CSPG4: variants seen among roughly 807,000 people sequenced by gnomAD.
CSPG4 encodes chondroitin sulfate proteoglycan 4 (melanoma-associated).
A neutral mutation model predicts 139.3 loss-of-function variants in CSPG4; 74 were observed. The observed-to-expected ratio is 0.53, with a 90% CI of 0.44 to 0.64. CSPG4 has a LOEUF of 0.64. Ranked by LOEUF, CSPG4 falls within the 30% of genes least tolerant of loss-of-function variation. The pLI is 0.00. For synonymous variants in CSPG4, 1,234 were observed against 1,394.2 expected (o/e 0.89, Z 2.56); for missense variants, 2,565 against 3,148.3 (o/e 0.81, Z 4.43).
rs2141419283 is a variant in CSPG4 at position 75,675,634 on chromosome 15, A to AG, written c.6884dup (p.Pro2296SerfsTer6). ...GCTCTGGGTCAGGCTGGCCTCCTGG[A>AG]GGGGGCCCCTGGCCAGGCACAGCTG... is the stretch of plus-strand genomic sequence containing the variant. On this transcript the variant is annotated frameshift_variant, in exon 10 of 10. Transcript: ENST00000308508. LOFTEE classifies it high-confidence loss of function. 4.6e-6 allele frequency: 7 copies of AG among 1,520,076 alleles called. No individual in the cohort carries two copies. The South Asian group carries it at 6.6e-5, about 14-fold the overall frequency. 94.2% of individuals were successfully genotyped at this position (1,520,076 alleles called of 1,614,324 possible).
intron 1 of CSPG4, among the ~76,000 whole-genome samples, chr15:75,700,475 C>A (rs181733817): frequency 2.1e-4 from 32 of 152,242 alleles, no homozygotes; most frequent in African/African-American, 6.7e-4. Flanking sequence ...CTGGCCGAAT[C>A]GGGAGGGCCC....
rs1286458765 is a variant in CSPG4, at chr15:75,675,076, A to T, written c.*474T>A. On this transcript the variant is annotated 3_prime_UTR_variant, in exon 10 of 10. Coordinates refer to ENST00000308508, the MANE Select transcript of CSPG4 (RefSeq NM_001897.5). Reference sequence around the variant, plus strand: ...AACCAGGGGAGGAAGTTTTTTTCTCAACTCTGGGGCAGAGACAAAGGGTGG... The same window carrying T: ...AACCAGGGGAGGAAGTTTTTTTCTCTACTCTGGGGCAGAGACAAAGGGTGG... 5.5e-6 allele frequency: 2 copies of T among 363,196 alleles called. No homozygotes were observed. The highest frequency in any genetic ancestry group is 9.8e-6 in the Non-Finnish European group (2 of 204,168). 22.5% of individuals were successfully genotyped at this position (363,196 alleles called of 1,614,324 possible).
At chr15:75,700,676 C>G (rs1894290543) in intron 1 of CSPG4, among the ~76,000 whole-genome samples, 1 of 152,144 alleles carries the variant, frequency 6.6e-6, no homozygotes, top group Admixed American at 6.5e-5. Context: ...TGGCTCATCT[C>G]TGAGTTCCCC....
At chr15:75,677,413 C>A (rs1257040115) in intron 9 of CSPG4, 29 bp from the exon 10 acceptor site, 1 of 1,408,490 alleles carries the variant, frequency 7.1e-7, no homozygotes, top group Non-Finnish European at 9.3e-7. Context: ...CTATGAGGGT[C>A]CAGCCCACTG....
In CSPG4 at chr15:75,692,503, C is replaced by T. The variant is rs563892473; in HGVS notation, c.252+567G>A. Among the ~76,000 whole-genome samples, 3 of 152,358 alleles carry T rather than the reference C, an allele frequency of 2.0e-5. No individual in the cohort carries two copies. In the South Asian group the frequency reaches 6.2e-4, roughly 32 times the overall value. ...CTCAAAAAAGCCACAAGACTCCTTG[C>T]TAACAAAGCTTGTGGTGTCTTGAAG... On this transcript the variant is annotated intron_variant, in intron 2 of 9. Transcript: ENST00000308508.
chr15:75,678,690 C>T (rs1381479428), intron 8 of CSPG4: 2 of 456,126 alleles, frequency 4.4e-6, no homozygotes, highest in Non-Finnish European at 8.8e-6. Flanking sequence ...TTTCCACCAG[C>T]TTCACCCCTG....
At chr15:75,704,501 C>G (rs2141439386) in intron 1 of CSPG4, among the ~76,000 whole-genome samples, 1 of 152,290 alleles carries the variant, frequency 6.6e-6, no homozygotes, top group East Asian at 1.9e-4. Flanking sequence ...GGGGCAGCCA[C>G]CTGGATTCCA....
chr15:75,674,914 T>C lies in CSPG4; in HGVS notation c.*636A>G. 2.5e-6 allele frequency: 1 copy of C among 398,210 alleles called. No individual in the cohort carries two copies. The highest frequency in any genetic ancestry group is 4.4e-6 in the Non-Finnish European group (1 of 225,972). 24.7% of individuals were successfully genotyped at this position (398,210 alleles called of 1,614,324 possible). On this transcript the variant is annotated 3_prime_UTR_variant, in exon 10 of 10. Coordinates refer to ENST00000308508, the MANE Select transcript of CSPG4 (RefSeq NM_001897.5). ...CATGTTAAATAGCTTCCTTGCAATC[T>C]CCCTTAAATAAACCCATCCCCAGAG...
At chr15:75,704,536 G>A (rs1894344866) in intron 1 of CSPG4, among the ~76,000 whole-genome samples, 1 of 152,220 alleles carries the variant, frequency 6.6e-6, no homozygotes, top group Admixed American at 6.5e-5. Flanking sequence ...TGGGGGGCCT[G>A]GCCGGGCCCT....
At chr15:75,683,423 G>A (rs1304342412) in intron 5 of CSPG4, among the ~76,000 whole-genome samples, 2 of 152,172 alleles carry the variant, frequency 1.3e-5, no homozygotes, top group Non-Finnish European at 2.9e-5. Flanking sequence ...GGTGGGACAG[G>A]GGTCTCCTTT....
chr15:75,679,492 C>T (rs1893942261), intron 8 of CSPG4: 1 of 152,258 alleles, frequency 6.6e-6, no homozygotes, highest in South Asian at 2.1e-4. Context: ...CCCCATCTGA[C>T]CACTAAGGCC....
intron 4 of CSPG4, 117 bp downstream of exon 4, chr15:75,685,102 A>G: frequency 1.4e-6 from 2 of 1,397,302 alleles, no homozygotes; most frequent in Non-Finnish European, 1.9e-6. Context: ...GGTGCTTCTG[A>G]AATGTGACTC....
In CSPG4 at chr15:75,685,683, G is replaced by T. The variant is rs1435500240; in HGVS notation, c.3808C>A (p.Pro1270Thr). 1.6e-5 allele frequency: 26 copies of T among 1,598,034 alleles called. No individual in the cohort carries two copies. Among genetic ancestry groups the T allele is most frequent in the African/African-American group, 2.7e-5 (2 of 74,848 alleles). The change falls in exon 4 of 10, where the codon CCA becomes ACA. Residue 1270 changes from proline to threonine, a missense_variant. This residue lies in a region of CSPG4 where 2,316 missense variants were observed against 2,818.2 expected (regional missense o/e 0.82). Transcript: ENST00000308508. ...ACTGAGAATACGATGTCTGCAGGTG[G>T]CACTGCCTCCTGGGCTGCCTGGTTA... is the stretch of plus-strand genomic sequence containing the variant. ...DQLEAAQEAV[P>T]PADIVFSVKS...
chr15:75,700,657 G>C (rs2141437023), intron 1 of CSPG4, among the ~76,000 whole-genome samples: 1 of 152,286 alleles, frequency 6.6e-6, no homozygotes, highest in East Asian at 1.9e-4. Flanking sequence ...TCCAGGACCA[G>C]GCAGCCCATG....
At chr15:75,677,977 G>A in intron 8 of CSPG4, 91 bp from the exon 9 acceptor site, 1 of 1,258,570 alleles carries the variant, frequency 7.9e-7, no homozygotes, top group Non-Finnish European at 1.1e-6. Flanking sequence ...CCCACTCTGG[G>A]CTCTCCTGGG....
In CSPG4 at chr15:75,696,229, T is replaced by C. The variant is rs1199046390; in HGVS notation, c.89-2996A>G. ...GGGATTAGTCCTGGGGGTCTCTCCC[T>C]GATCTAGGAGTTTGCTGTCCATATG... On this transcript the variant is annotated intron_variant, in intron 1 of 9. Coordinates refer to ENST00000308508, the MANE Select transcript of CSPG4 (RefSeq NM_001897.5). This position sits in a 1 kb window ranked among gnomAD's most constrained non-coding sequence, Gnocchi z 4.2. Among the ~76,000 whole-genome samples the C allele has an allele frequency of 6.6e-6, 1 of 152,066 alleles. No individual in the cohort carries two copies. Among genetic ancestry groups the C allele is most frequent in the Non-Finnish European group, 1.5e-5 (1 of 68,006 alleles).
At chr15:75,686,765 C>T (rs1894065162) in intron 3 of CSPG4, among the ~76,000 whole-genome samples, 1 of 152,150 alleles carries the variant, frequency 6.6e-6, no homozygotes, top group Non-Finnish European at 1.5e-5. Context: ...CCTGAGGTCA[C>T]AGGGCAAGTC....
At position 75,696,929 on chromosome 15, in the gene CSPG4, G is replaced by A. The variant is rs1894234460; in HGVS notation, c.89-3696C>T. Among the ~76,000 whole-genome samples the A allele has an allele frequency of 6.6e-6, 1 of 152,240 alleles. No individual in the cohort carries two copies. Among genetic ancestry groups the A allele is most frequent in the Non-Finnish European group, 1.5e-5 (1 of 68,034 alleles). On this transcript the variant is annotated intron_variant, in intron 1 of 9. Transcript: ENST00000308508. The surrounding 1 kb of genome is among the most constrained non-coding windows in gnomAD (Gnocchi z 4.2). ...CGCTGGCATCTCCGGGCTCCCCGGA[G>A]GCACTACTAGGAGGAGTGTGGATGG...
At position 75,690,305 on chromosome 15, in the gene CSPG4, C is replaced by T; in HGVS notation, c.760G>A (p.Asp254Asn). Reference sequence around the variant, plus strand: ...GCCCGCAGGTGGCCCTCAAATATGTCCACATAGATGAAGTCCCCACGCCGG... The same window carrying T: ...GCCCGCAGGTGGCCCTCAAATATGTTCACATAGATGAAGTCCCCACGCCGG... ...GGRRGDFIYV[D>N]IFEGHLRAVV... Residue 254 changes from aspartate (D) to asparagine (N), a missense_variant, in exon 3 of 10, where the codon GAC becomes AAC. By Grantham distance (23) the Asp-to-Asn change is conservative (BLOSUM62 1). Transcript: ENST00000308508. The T allele has an allele frequency of 6.2e-7, 1 of 1,613,010 alleles. No individual in the cohort carries two copies. Among genetic ancestry groups the T allele is most frequent in the Non-Finnish European group, 8.5e-7 (1 of 1,179,784 alleles).
Sources: allele counts gnomAD v4.1 joint callset (sites outside exome capture counted in the v4.1 genomes callset), GRCh38; gene constraint gnomAD v4.1.1; regional missense constraint gnomAD v4.1.1; non-coding constraint Gnocchi (gnomAD v3.1); transcripts MANE v1.5; gene names NCBI Gene and HGNC (gene_info 2026-07-23, HGNC 2026-07-21).